Variants in KIAA0040 observed in about 807,000 individuals in gnomAD.
KIAA0040 encodes uncharacterized protein KIAA0040.
Under a neutral mutation model 7.2 loss-of-function variants are expected in KIAA0040, and 10 were observed. The ratio of observed to expected loss-of-function variants is 1.38; its 90% CI spans 0.85 to 2.34. The LOEUF (loss-of-function observed/expected upper bound fraction) is 2.34, where lower values mean the gene tolerates loss of function less well. KIAA0040 is among the 30% of genes most tolerant of loss of function. The probability of loss-of-function intolerance (pLI) is 0.00; values close to 1 mark genes in which losing one functional copy is unlikely to be tolerated. For synonymous variants in KIAA0040, 49 were observed against 40.1 expected, an observed-to-expected ratio of 1.22 and a Z score of -0.84; for missense variants, 89 against 108.2, an observed-to-expected ratio of 0.82 and a Z score of 0.79.
rs770112841 is a variant in KIAA0040, at chr1:175,160,723, C to A, written c.291G>T (p.Leu97=). 2.6e-6 allele frequency: 4 copies of A among 1,546,856 alleles called. No homozygotes were observed. Among genetic ancestry groups the A allele is most frequent in the Admixed American group, 2.0e-5 (1 of 50,466 alleles). ...KLLQMEKRPS[L]PV ...TCTGCTTCCTGCCTAACTAAACAGGCAGTGATGGTCTCTTCTCCATCTGGA... is the reference window on the plus strand; with the variant it reads ...TCTGCTTCCTGCCTAACTAAACAGGAAGTGATGGTCTCTTCTCCATCTGGA... Residue 97 remains leucine (L), a synonymous_variant, in exon 4 of 4, where the codon CTG becomes CTT. Coordinates refer to ENST00000423313, the MANE Select transcript of KIAA0040 (RefSeq NM_014656.3).
chr1:175,174,475 G>C (rs758227225), intron 2 of KIAA0040, among the ~76,000 whole-genome samples: 67 of 152,296 alleles, frequency 4.4e-4, no homozygotes, highest in Admixed American at 7.8e-4. Context: ...AGCTTTCTGA[G>C]CCCTTTCCTC....
intron 1 of KIAA0040, among the ~76,000 whole-genome samples, chr1:175,185,840 G>A (rs1677637392): frequency 6.6e-6 from 1 of 152,164 alleles, no homozygotes; most frequent in African/African-American, 2.4e-5. Flanking sequence ...GCACACAATG[G>A]AATATGATTC....
chr1:175,167,638 G>A (rs1313066164), intron 2 of KIAA0040, among the ~76,000 whole-genome samples: 1 of 152,192 alleles, frequency 6.6e-6, no homozygotes, highest in African/African-American at 2.4e-5. Flanking sequence ...TGACGTGTGA[G>A]AGGACAGATG....
chr1:175,180,316 T>G (rs535987336), intron 1 of KIAA0040, among the ~76,000 whole-genome samples: 27 of 152,354 alleles, frequency 1.8e-4, no homozygotes, highest in African/African-American at 6.5e-4. Context: ...AAATATGTGC[T>G]GAATTAACAA....
At chr1:175,161,366 A>C (rs1235063090) in intron 3 of KIAA0040, among the ~76,000 whole-genome samples, 1 of 152,234 alleles carries the variant, frequency 6.6e-6, no homozygotes, top group Non-Finnish European at 1.5e-5. Context: ...GGCTTAGGAT[A>C]TAAAAATGAA....
chr1:175,163,390 C>G (rs566534338), intron 3 of KIAA0040, among the ~76,000 whole-genome samples: 1 of 152,226 alleles, frequency 6.6e-6, no homozygotes, highest in South Asian at 2.1e-4. Flanking sequence ...GCTGCCTGAA[C>G]TTAAACTCAA....
intron 2 of KIAA0040, among the ~76,000 whole-genome samples, chr1:175,168,276 T>A (rs763925398): frequency 6.6e-6 from 1 of 152,214 alleles, no homozygotes; most frequent in Non-Finnish European, 1.5e-5. Context: ...TGTAGAACAT[T>A]ACATTTATTA....
At position 175,160,954 on chromosome 1, in the gene KIAA0040, T is replaced by TACA; in HGVS notation, c.59_60insTGT (p.Gln20delinsHisVal). On this transcript the variant is annotated protein_altering_variant, in exon 4 of 4. Transcript: ENST00000423313. The stretch of plus-strand genomic sequence containing the variant: ...GGCAGATGGTGTTGTAGATGCCTTC[T>TACA]TGGTGTTTGGTCAAGATGGTGTCCC... The TACA allele has an allele frequency of 6.4e-7, 1 of 1,551,518 alleles. No individual in the cohort carries two copies. Among genetic ancestry groups the TACA allele is most frequent in the South Asian group, 1.2e-5 (1 of 84,042 alleles).
At chr1:175,187,322 A>G (rs745727760) in intron 1 of KIAA0040, among the ~76,000 whole-genome samples, 3 of 152,102 alleles carry the variant, frequency 2.0e-5, no homozygotes, top group Non-Finnish European at 4.4e-5. Flanking sequence ...TGGGTTCCAA[A>G]TCACTCGGAA....
intron 1 of KIAA0040, among the ~76,000 whole-genome samples, chr1:175,187,845 T>C (rs1267654454): frequency 6.6e-6 from 1 of 152,178 alleles, no homozygotes; most frequent in African/African-American, 2.4e-5. Flanking sequence ...ATTGTTATTA[T>C]TTGTATGTTA....
At position 175,160,578 on chromosome 1, in the gene KIAA0040, T is replaced by C; in HGVS notation, c.*136A>G. 1.2e-6 allele frequency: 1 copy of C among 855,188 alleles called. No individual in the cohort carries two copies. Among genetic ancestry groups the C allele is most frequent in the Non-Finnish European group, 1.8e-6 (1 of 570,434 alleles). 53.0% of individuals were successfully genotyped at this position (855,188 alleles called of 1,614,324 possible). ...CTGCCCTCCACTGGGACACTTAGTC[T>C]GAGGTTTGTTCCTTGGTTGAGTAGT... is the stretch of plus-strand genomic sequence containing the variant. On this transcript the variant is annotated 3_prime_UTR_variant, in exon 4 of 4. Transcript: ENST00000423313.
intron 3 of KIAA0040, among the ~76,000 whole-genome samples, chr1:175,164,938 T>C (rs890542705): frequency 1.3e-5 from 2 of 152,226 alleles, no homozygotes; most frequent in African/African-American, 4.8e-5. Context: ...AGCCTTTTGT[T>C]AGCTTTTGAA....
intron 3 of KIAA0040, among the ~76,000 whole-genome samples, chr1:175,163,295 C>T (rs1313580151): frequency 6.6e-6 from 1 of 152,224 alleles, no homozygotes; most frequent in African/African-American, 2.4e-5. Flanking sequence ...ATTTATTTCT[C>T]ATTGTTAGAT....
rs2101882464 is a variant in KIAA0040, at chr1:175,166,661, C to T, written c.-233G>A. 1 of 152,326 alleles carries T rather than the reference C, an allele frequency of 6.6e-6. No homozygotes were observed. Among genetic ancestry groups the T allele is most frequent in the Non-Finnish European group, 1.5e-5 (1 of 68,038 alleles). The allele number at this position is 152,326 out of a possible 1,614,324, so 9.4% of individuals were successfully genotyped here. On this transcript the variant is annotated 5_prime_UTR_variant, in exon 3 of 4. Transcript: ENST00000423313. ...AGGGGATCTCGGCCAGAACTGCTTT[C>T]CTGGAGGTCACGTTCAACGTAGTAA...
intron 2 of KIAA0040, among the ~76,000 whole-genome samples, chr1:175,168,449 G>T (rs926315757): frequency 6.6e-6 from 1 of 152,098 alleles, no homozygotes; most frequent in Admixed American, 6.5e-5. Flanking sequence ...AAAATAGATA[G>T]TATTTTCCCC....
At chr1:175,191,361 A>G (rs1677858096) in intron 1 of KIAA0040, among the ~76,000 whole-genome samples, 1 of 152,246 alleles carries the variant, frequency 6.6e-6, no homozygotes, top group Admixed American at 6.5e-5. Flanking sequence ...CCAAATATTG[A>G]CAATGCATGG....
chr1:175,189,581 T>C (rs962738061), intron 1 of KIAA0040, among the ~76,000 whole-genome samples: 1 of 152,232 alleles, frequency 6.6e-6, no homozygotes, highest in African/African-American at 2.4e-5. Flanking sequence ...GACTTATCAT[T>C]ACTGCCTTAA....
At position 175,170,093 on chromosome 1, in the gene KIAA0040, C is replaced by T. The variant is rs79052705; in HGVS notation, c.-309-3356G>A. Among the ~76,000 whole-genome samples the T allele has an allele frequency of 3.6e-4, 55 of 152,242 alleles. No homozygotes were observed. In the East Asian group the frequency reaches 9.8e-3, roughly 27 times the overall value. On this transcript the variant is annotated intron_variant, in intron 2 of 3. Coordinates refer to ENST00000423313, the MANE Select transcript of KIAA0040 (RefSeq NM_014656.3). ...AAAAGGTGACTCTGAACTGAGATCT[C>T]GGGGTGCTAAGGACCAAGCGTGCAC...
chr1:175,171,578 G>A (rs76682211), intron 2 of KIAA0040, among the ~76,000 whole-genome samples: 108 of 152,270 alleles, frequency 7.1e-4, no homozygotes, highest in African/African-American at 2.1e-3. Flanking sequence ...TTATCCACCC[G>A]CAGACTGCAC....
Sources: gnomAD v4.1 joint callset for allele counts (sites outside exome capture counted in the v4.1 genomes callset) on GRCh38, gnomAD v4.1.1 for gene constraint, MANE v1.5 for transcripts, NCBI Gene and HGNC (gene_info 2026-07-23, HGNC 2026-07-21) for gene names.